ZNF793: variants seen among roughly 807,000 people sequenced by gnomAD.
ZNF793 encodes the protein zinc finger protein 793.
In ZNF793, 5 loss-of-function variants were observed where a neutral mutation model predicts 12.4. The ratio of observed to expected loss-of-function variants is 0.40; its 90% CI spans 0.21 to 0.84. ZNF793 has a LOEUF of 0.84. Ranked by LOEUF, ZNF793 falls within the 40% of genes least tolerant of loss-of-function variation. The pLI is 0.35. For synonymous variants in ZNF793, 162 were observed against 172.4 expected (o/e 0.94, Z 0.47); for missense variants, 456 against 495.0 (o/e 0.92, Z 0.75).
At chr19:37,509,343 A>G (rs1286856548) in intron 2 of ZNF793, among the ~76,000 whole-genome samples, 2 of 152,168 alleles carry the variant, frequency 1.3e-5, no homozygotes, top group Admixed American at 6.5e-5. Context: ...TTGACTTTCT[A>G]TTTCTGAGTT....
rs552063486 is a variant in ZNF793, at chr19:37,542,789, T to G, written c.*4910T>G. 1 of 165,194 alleles carries G rather than the reference T, an allele frequency of 6.1e-6. No homozygotes were observed. Among genetic ancestry groups the G allele is most frequent in the African/African-American group, 2.4e-5 (1 of 41,894 alleles). The allele number at this position is 165,194 out of a possible 1,614,324, so 10.2% of individuals were successfully genotyped here. A position where few individuals can be genotyped will look rare whatever the true frequency, so the allele number is the denominator to read the frequency against. The stretch of plus-strand genomic sequence containing the variant: ...CCATTTTTTTAAATCATTAACAAAA[T>G]GTCTCTAGGTGTTTGTCAGCAATAA... On this transcript the variant is annotated 3_prime_UTR_variant, in exon 8 of 8. Coordinates refer to ENST00000627814, the MANE Select transcript of ZNF793 (RefSeq NM_001013659.3).
At position 37,543,133 on chromosome 19, in the gene ZNF793, C is replaced by CTG. The variant is rs1182950348; in HGVS notation, c.*5262_*5263dup. ...CTATTTTTAAAAAAAGTAAAAACTC[C>CTG]TGTGTGTGTATATATGCATGTGGAT... On this transcript the variant is annotated 3_prime_UTR_variant, in exon 8 of 8. Transcript: ENST00000627814. 1 of 151,982 alleles carries CTG rather than the reference C, an allele frequency of 6.6e-6. No individual in the cohort carries two copies. The highest frequency in any genetic ancestry group is 1.5e-5 in the Non-Finnish European group (1 of 68,002). The allele number at this position is 151,982 out of a possible 1,614,324, so 9.4% of individuals were successfully genotyped here.
Position 37,542,132 on chromosome 19 carries a change from C to T in ZNF793, c.*4253C>T, listed in dbSNP as rs1181587719. On this transcript the variant is annotated 3_prime_UTR_variant, in exon 8 of 8. Coordinates refer to ENST00000627814, the MANE Select transcript of ZNF793 (RefSeq NM_001013659.3). ...TTTAGGCTGGGCGTGGTGGCTCACA[C>T]CTGTAATCCTAGCACTTTGGGAGGC... 6.3e-6 allele frequency: 1 copy of T among 158,178 alleles called. No homozygotes were observed. The highest frequency in any genetic ancestry group is 2.4e-5 in the African/African-American group (1 of 41,582). The allele number at this position is 158,178 out of a possible 1,614,324, so 9.8% of individuals were successfully genotyped here.
At chr19:37,530,479 A>G (rs2042450742) in intron 5 of ZNF793, among the ~76,000 whole-genome samples, 1 of 151,960 alleles carries the variant, frequency 6.6e-6, no homozygotes, top group African/African-American at 2.4e-5. Context: ...GGCCTTCTGT[A>G]GTGTGTTGTG....
At chr19:37,532,774 G>A (rs2147102611) in intron 6 of ZNF793, among the ~76,000 whole-genome samples, 1 of 152,034 alleles carries the variant, frequency 6.6e-6, no homozygotes, top group East Asian at 1.9e-4. Flanking sequence ...AGCCGATATT[G>A]CACCATTGCA....
chr19:37,512,314 AGACCATCCTGG>A (rs2042300158), intron 2 of ZNF793, among the ~76,000 whole-genome samples: 4 of 152,070 alleles, frequency 2.6e-5, no homozygotes, highest in African/African-American at 9.7e-5. Context: ...CAAGAGATTG[AGACCATCCTGG>A]CCAACATGAT....
chr19:37,533,278 C>T, intron 6 of ZNF793, 30 bp from the exon 7 acceptor site: 1 of 1,607,342 alleles, frequency 6.2e-7, no homozygotes. Flanking sequence ...GGAGCTCAGC[C>T]CAAGACCTGC....
intron 2 of ZNF793, among the ~76,000 whole-genome samples, chr19:37,519,447 G>A (rs983135085): frequency 2.6e-5 from 4 of 152,032 alleles, no homozygotes; most frequent in African/African-American, 9.7e-5. Flanking sequence ...AACTATAAGG[G>A]GAAAATATCA....
rs543255886 is a variant in ZNF793, at chr19:37,518,574, G to T, written c.-275-1610G>T. ...TTTGGGAGGCCAGGGTAGGTGGATT[G>T]CTTGAGTCCGGGAGTCCAAGACCAG... On this transcript the variant is annotated intron_variant, in intron 2 of 7. Coordinates refer to ENST00000627814, the MANE Select transcript of ZNF793 (RefSeq NM_001013659.3). Among the ~76,000 whole-genome samples, 275 of 147,660 alleles carry T rather than the reference G, an allele frequency of 1.9e-3. 1 individual carries two copies. The highest frequency in any genetic ancestry group is 5.5e-3 in the Admixed American group (80 of 14,450).
chr19:37,529,554 A>G (rs2042441478), intron 5 of ZNF793, among the ~76,000 whole-genome samples: 1 of 152,066 alleles, frequency 6.6e-6, no homozygotes, highest in Non-Finnish European at 1.5e-5. Context: ...GTACAGTGGC[A>G]CTATCTGGGC....
chr19:37,533,678 C>T, intron 7 of ZNF793: 1 of 503,568 alleles, frequency 2.0e-6, no homozygotes, highest in Non-Finnish European at 3.5e-6. Flanking sequence ...CTATGATTCT[C>T]CTGTTCCTGC....
intron 6 of ZNF793, 29 bp from the exon 7 acceptor site, chr19:37,533,279 C>T: frequency 6.2e-7 from 1 of 1,608,510 alleles, no homozygotes; most frequent in African/African-American, 1.3e-5. Context: ...GAGCTCAGCC[C>T]AAGACCTGCA....
At chr19:37,531,626 G>A (rs573570411) in intron 5 of ZNF793, among the ~76,000 whole-genome samples, 4 of 152,214 alleles carry the variant, frequency 2.6e-5, no homozygotes, top group African/African-American at 7.2e-5. Context: ...AGGAGAGTCA[G>A]CTTTCCATAT....
chr19:37,533,228 G>T (rs1478898560), intron 6 of ZNF793, 80 bp from the exon 7 acceptor site: 1 of 1,162,364 alleles, frequency 8.6e-7, no homozygotes, highest in African/African-American at 1.5e-5. Context: ...AACATCTATT[G>T]TGCAGCCTTT....
chr19:37,513,784 A>AT (rs1568785912), intron 2 of ZNF793, among the ~76,000 whole-genome samples: 1 of 152,178 alleles, frequency 6.6e-6, no homozygotes, highest in Admixed American at 6.6e-5. Flanking sequence ...CATATTATGT[A>AT]TTTTTTAATG....
At position 37,533,408 on chromosome 19, in the gene ZNF793, G is replaced by A. The variant is rs2042478099; in HGVS notation, c.238+5G>A. On this transcript the variant is annotated splice_donor_5th_base_variant and intron_variant, in intron 7 of 7. Transcript: ENST00000627814. ...GCCCGGGCTGCCACTGTTGGGGTAAGTGTGATAAATCTAGCAAAAGGGGTA... is the reference window on the plus strand; with the variant it reads ...GCCCGGGCTGCCACTGTTGGGGTAAATGTGATAAATCTAGCAAAAGGGGTA... 1.9e-6 allele frequency: 3 copies of A among 1,613,630 alleles called. No homozygotes were observed. Among genetic ancestry groups the A allele is most frequent in the South Asian group, 1.1e-5 (1 of 91,068 alleles).
chr19:37,537,359 A>G lies in ZNF793; in HGVS notation c.701A>G (p.Lys234Arg). The change falls in exon 8 of 8, where the codon AAA (lysine) becomes AGA (arginine). Residue 234 changes from lysine (K) to arginine (R), a missense_variant. Coordinates refer to ENST00000627814, the MANE Select transcript of ZNF793 (RefSeq NM_001013659.3). ...EKPHVCSECGKAFCYKSEFIR... is the reference protein window; with the variant it reads ...EKPHVCSECGRAFCYKSEFIR... The stretch of plus-strand genomic sequence containing the variant: ...CCCCACGTCTGTAGTGAGTGTGGGA[A>G]AGCCTTCTGCTACAAGTCTGAATTC... The G allele has an allele frequency of 6.2e-7, 1 of 1,613,174 alleles. No individual in the cohort carries two copies. The highest frequency in any genetic ancestry group is 1.3e-5 in the African/African-American group (1 of 75,050).
At chr19:37,530,729 C>A (rs149712403) in intron 5 of ZNF793, among the ~76,000 whole-genome samples, 1 of 152,082 alleles carries the variant, frequency 6.6e-6, no homozygotes, top group Non-Finnish European at 1.5e-5. Flanking sequence ...CTTCTTTCTA[C>A]GCAGACACAG....
intron 2 of ZNF793, among the ~76,000 whole-genome samples, chr19:37,513,616 G>A (rs1428218926): frequency 6.6e-6 from 1 of 152,192 alleles, no homozygotes; most frequent in African/African-American, 2.4e-5. Flanking sequence ...CTCTGGGCCA[G>A]ACAGATTTCT....
Sources: gnomAD v4.1 joint callset for allele counts (sites outside exome capture counted in the v4.1 genomes callset) on GRCh38, gnomAD v4.1.1 for gene constraint, MANE v1.5 for transcripts, NCBI Gene and HGNC (gene_info 2026-07-23, HGNC 2026-07-21) for gene names.